The following SMARCC2 variants were observed in gnomAD, a reference collection of about 807,000 sequenced individuals.
SMARCC2 encodes SWI/SNF related BAF chromatin remodeling complex subunit C2.
In SMARCC2, 15 loss-of-function variants were observed where a neutral mutation model predicts 151.3. The observed-to-expected ratio is 0.10, with a 90% CI of 0.07 to 0.15. The LOEUF (loss-of-function observed/expected upper bound fraction) is 0.15, where lower values mean the gene tolerates loss of function less well. SMARCC2 is among the 10% of genes least tolerant of loss of function. SMARCC2 has a pLI of 1.00. For missense variants in SMARCC2, 1,031 were observed against 1,599.7 expected, an observed-to-expected ratio of 0.64 and a Z score of 6.06; for synonymous variants, 590 against 609.5, an observed-to-expected ratio of 0.97 and a Z score of 0.47.
chr12:56,176,336 G>A lies in SMARCC2; in HGVS notation c.1383-1572C>T, dbSNP rs1241249115. ...AAAACACGGAGGGACCCCCAGAGAG[G>A]GGAAGCTGTGGAATAGCTGGGAAGA... On this transcript the variant is annotated intron_variant, in intron 15 of 28. Transcript: ENST00000550164. Among the ~76,000 whole-genome samples the A allele has an allele frequency of 2.6e-5, 4 of 152,216 alleles. No homozygotes were observed. In the East Asian group the frequency reaches 5.8e-4, roughly 22 times the overall value.
chr12:56,174,862 A>G, intron 15 of SMARCC2, 98 bp from the exon 16 acceptor site: 1 of 752,150 alleles, frequency 1.3e-6, no homozygotes, highest in Non-Finnish European at 2.3e-6. Context: ...CTTCTCCTGC[A>G]TGATAAAGAT....
intron 7 of SMARCC2, 55 bp from the exon 8 acceptor site, chr12:56,182,134 G>A: frequency 8.0e-7 from 1 of 1,242,282 alleles, no homozygotes; most frequent in Admixed American, 2.0e-5. Context: ...TTGTGGAAAA[G>A]TAAAGTGCAG....
intron 25 of SMARCC2, among the ~76,000 whole-genome samples, chr12:56,169,140 A>C (rs1873416750): frequency 2.0e-5 from 3 of 151,006 alleles, no homozygotes; most frequent in Middle Eastern, 3.7e-3. Flanking sequence ...CTAAAAATAC[A>C]AAGAGTTAGC....
chr12:56,178,816 C>A lies in SMARCC2; in HGVS notation c.1173G>T (p.Thr391=), dbSNP rs779421079. The change falls in exon 13 of 29, where the codon ACG becomes ACT. Residue 391 remains threonine (T), a synonymous_variant. Coordinates refer to ENST00000550164, the MANE Select transcript of SMARCC2 (RefSeq NM_001330288.2). The part of the protein sequence containing the change: ...DEQEDESMET[T]GKDEDENSTG... ...CTCTCTAAACTGGCTCCACCTTGCC[C>A]GTCGTCTCCATGCTTTCATCTTCCT... The A allele has an allele frequency of 6.2e-7, 1 of 1,613,986 alleles. No individual in the cohort carries two copies. The highest frequency in any genetic ancestry group is 1.1e-5 in the South Asian group (1 of 91,080).
intron 5 of SMARCC2, 43 bp from the exon 6 acceptor site, chr12:56,184,287 G>C (rs757670545): frequency 6.9e-7 from 1 of 1,446,214 alleles, no homozygotes; most frequent in East Asian, 2.3e-5. Context: ...GGTCCCCTCT[G>C]AATTACTCAA....
chr12:56,180,302 G>A (rs1039040961), intron 11 of SMARCC2, among the ~76,000 whole-genome samples: 2 of 150,978 alleles, frequency 1.3e-5, no homozygotes, highest in Non-Finnish European at 3.0e-5. Flanking sequence ...GTATAGACAG[G>A]GTTTCACCAT....
chr12:56,181,178 G>C (rs1876129929), intron 10 of SMARCC2, 77 bp from the exon 11 acceptor site: 1 of 1,450,858 alleles, frequency 6.9e-7, no homozygotes. Context: ...TTCAAGGGAA[G>C]GGAAGTGACA....
intron 15 of SMARCC2, among the ~76,000 whole-genome samples, chr12:56,176,698 T>C (rs1038412433): frequency 2.0e-5 from 3 of 151,676 alleles, no homozygotes; most frequent in Admixed American, 6.6e-5. Flanking sequence ...TGGAGTGCAG[T>C]GGCGTGATCT....
chr12:56,179,859 G>C (rs573700394), intron 11 of SMARCC2, among the ~76,000 whole-genome samples: 2 of 151,796 alleles, frequency 1.3e-5, no homozygotes, highest in Non-Finnish European at 1.5e-5. Context: ...GCAAATTTTT[G>C]TATTTTTCGT....
chr12:56,179,979 CCT>C (rs1292376124), intron 11 of SMARCC2, among the ~76,000 whole-genome samples: 1 of 151,968 alleles, frequency 6.6e-6, no homozygotes, highest in African/African-American at 2.4e-5. Context: ...GCCACCGCGC[CCT>C]GATTCTTCAT....
chr12:56,178,745 A>C lies in SMARCC2; in HGVS notation c.1179+65T>G. On this transcript the variant is annotated intron_variant, in intron 13 of 28. Coordinates refer to ENST00000550164, the MANE Select transcript of SMARCC2 (RefSeq NM_001330288.2). ...TCTGGGCAGTGAAAAGTTTGGGCAG[A>C]ATGAACTTTATAATCACAAATCAGA... 4 of 1,555,704 alleles carry C rather than the reference A, an allele frequency of 2.6e-6. No homozygotes were observed. In the South Asian group the frequency reaches 4.4e-5, roughly 17 times the overall value.
In SMARCC2 at chr12:56,181,097, A is replaced by C; in HGVS notation, c.961T>G (p.Ser321Ala). 2 of 1,610,920 alleles carry C rather than the reference A, an allele frequency of 1.2e-6. No homozygotes were observed. The highest frequency in any genetic ancestry group is 1.7e-6 in the Non-Finnish European group (2 of 1,179,024). Residue 321 changes from serine to alanine, a missense_variant, in exon 11 of 29, where the codon TCA becomes GCA. By Grantham distance (99) the Ser-to-Ala change is moderately conservative. Transcript: ENST00000550164. The part of the protein sequence containing the change: ...AKKKNAKKGP[S>A]TPYTKSKRGH... ...CGCTTTGACTTAGTGTAAGGTGTTG[A>C]GGGACTGGGAAGGAAAGAGAGTGAA...
chr12:56,176,546 C>T (rs1351070598), intron 15 of SMARCC2, among the ~76,000 whole-genome samples: 1 of 151,970 alleles, frequency 6.6e-6, no homozygotes, highest in Non-Finnish European at 1.5e-5. Flanking sequence ...GGCGCAATCT[C>T]GGCTCACTGC....
intron 15 of SMARCC2, 72 bp from the exon 16 acceptor site, chr12:56,174,836 G>T: frequency 1.0e-6 from 1 of 977,712 alleles, no homozygotes; most frequent in South Asian, 1.3e-5. Context: ...GGAAAAAATG[G>T]TAAGAGAGCT....
rs777528640 is a variant in SMARCC2 at position 56,178,493 on chromosome 12, G to C, written c.1221C>G (p.Thr407=). ...TGTCCTCATGCAGGTCTGGATTCTT[G>C]GTCTGCTCTCCCTTGTTCCCCGTAC... ...ENSTGNKGEQ[T]KNPDLHEDNV... is the part of the protein sequence containing the mutation. Residue 407 remains threonine, a synonymous_variant, in exon 14 of 29, where the codon ACC becomes ACG. Coordinates refer to ENST00000550164, the MANE Select transcript of SMARCC2 (RefSeq NM_001330288.2). The C allele has an allele frequency of 2.5e-6, 4 of 1,614,028 alleles. No homozygotes were observed. Among genetic ancestry groups the C allele is most frequent in the African/African-American group, 2.7e-5 (2 of 74,898 alleles).
At chr12:56,183,000 A>G (rs1876535847) in intron 7 of SMARCC2, among the ~76,000 whole-genome samples, 1 of 150,108 alleles carries the variant, frequency 6.7e-6, no homozygotes, top group African/African-American at 2.5e-5. Flanking sequence ...TGCCCAGCTA[A>G]TTTCTGTATT....
rs753288148 is a variant in SMARCC2, at chr12:56,165,513, C to T, written c.3037G>A (p.Ala1013Thr). Residue 1013 changes from alanine to threonine, a missense_variant, in exon 27 of 29, where the codon GCA becomes ACA. By Grantham distance (58) the Ala-to-Thr change is moderately conservative. Around this residue, in one of 12 missense-constraint regions of SMARCC2, gnomAD observed 310 missense variants for 350.0 expected, o/e 0.89. Transcript: ENST00000550164. The part of the protein sequence containing the change: ...IPPTGAAGPP[A>T]VHGLAVAPAS... ...GGAGCCACAGCCAAGCCATGGACTG[C>T]GGGTGGCCCAGCAGCCCCTGTTGGG... The T allele has an allele frequency of 1.2e-5, 19 of 1,599,686 alleles. No individual in the cohort carries two copies. Among genetic ancestry groups the T allele is most frequent in the Admixed American group, 1.7e-5 (1 of 59,074 alleles).
chr12:56,164,188 G>A, intron 28 of SMARCC2, 115 bp downstream of exon 28: 1 of 934,510 alleles, frequency 1.1e-6, no homozygotes, highest in Non-Finnish European at 1.6e-6. Flanking sequence ...TTACCAGAGT[G>A]TTCAAAAAGG....
intron 26 of SMARCC2, among the ~76,000 whole-genome samples, chr12:56,167,095 G>C (rs1489441169): frequency 2.1e-5 from 3 of 144,840 alleles, no homozygotes; most frequent in Non-Finnish European, 1.5e-5. Context: ...TGACTCACCT[G>C]TAATCCGGCA....
Sources: gnomAD v4.1 joint callset for allele counts (sites outside exome capture counted in the v4.1 genomes callset) on GRCh38, gnomAD v4.1.1 for gene constraint, gnomAD v4.1.1 regional missense constraint, MANE v1.5 for transcripts, NCBI Gene and HGNC (gene_info 2026-07-23, HGNC 2026-07-21) for gene names.